The following TKT variants were observed in gnomAD, a reference collection of about 807,000 sequenced individuals.
The protein encoded by TKT is transketolase, also known as epididymis luminal protein 107.
TKT carries 47 observed loss-of-function variants against 63.9 expected under a neutral mutation model. The observed-to-expected ratio is 0.74, with a 90% CI of 0.58 to 0.94. The LOEUF is 0.94. Among genes scored for constraint, TKT ranks in the 40% least tolerant of loss-of-function variants. The probability of loss-of-function intolerance (pLI) is 0.00; values close to 1 mark genes in which losing one functional copy is unlikely to be tolerated. For synonymous variants in TKT, 338 were observed against 334.1 expected (o/e 1.01, Z -0.13); for missense variants, 721 against 846.2 (o/e 0.85, Z 1.84).
chr3:53,244,972 G>A (rs1264949537), intron 1 of TKT, among the ~76,000 whole-genome samples: 2 of 151,810 alleles, frequency 1.3e-5, no homozygotes, highest in East Asian at 1.9e-4. Flanking sequence ...TGACGGTGGT[G>A]TGGCAAGCTT....
intron 1 of TKT, among the ~76,000 whole-genome samples, chr3:53,246,629 G>A (rs1211405062): frequency 6.6e-6 from 1 of 152,108 alleles, no homozygotes; most frequent in Non-Finnish European, 1.5e-5. Context: ...GAGGAGGGCA[G>A]ATCACCTGAG....
chr3:53,236,049 G>A (rs1418850775), intron 4 of TKT, among the ~76,000 whole-genome samples: 3 of 124,630 alleles, frequency 2.4e-5, no homozygotes, highest in African/African-American at 8.2e-5. Context: ...TTCAAACGCA[G>A]GTCTGACTGT....
At chr3:53,243,585 T>C (rs1370743604) in intron 1 of TKT, 4 of 456,552 alleles carry the variant, frequency 8.8e-6, no homozygotes, top group Non-Finnish European at 1.8e-5. Flanking sequence ...TACTTAACTA[T>C]TTCTATGAAC....
intron 7 of TKT, 88 bp downstream of exon 7, chr3:53,231,269 T>G: frequency 4.7e-6 from 7 of 1,476,312 alleles, no homozygotes; most frequent in Non-Finnish European, 6.4e-6. Flanking sequence ...CTCTCCTCCC[T>G]TTCCCAGCCC....
intron 1 of TKT, chr3:53,243,507 G>C (rs996542396): frequency 1.8e-5 from 8 of 452,880 alleles, no homozygotes; most frequent in Non-Finnish European, 3.1e-5. Flanking sequence ...AGACAAGTTA[G>C]TAGTAGAGAA....
intron 6 of TKT, chr3:53,232,369 GA>G: frequency 2.5e-6 from 1 of 398,840 alleles, no homozygotes; most frequent in Non-Finnish European, 4.4e-6. Context: ...CCCCCACTCA[GA>G]ACATCCTCAT....
Position 53,225,776 on chromosome 3 carries a change from C to T in TKT, c.1852G>A (p.Gly618Ser). The T allele has an allele frequency of 6.2e-7, 1 of 1,613,474 alleles. No individual in the cohort carries two copies. The highest frequency in any genetic ancestry group is 2.2e-5 in the East Asian group (1 of 44,874). The stretch of plus-strand genomic sequence containing the variant: ...CCGCCCTAGGCCTTGGTGATGAGGC[C>T]CCTCACAGCTTGTGCAATGGCATCC... ...DRDAIAQAVR[G>S]LITKA The change falls in exon 14 of 14, where the codon GGC becomes AGC. Residue 618 changes from glycine (G) to serine (S), a missense_variant. Physicochemically the swap from Gly to Ser is moderately conservative, Grantham distance 56. Transcript: ENST00000462138.
chr3:53,228,873 C>T, intron 10 of TKT, 134 bp downstream of exon 10: 3 of 1,309,758 alleles, frequency 2.3e-6, no homozygotes, highest in Admixed American at 2.3e-5. Flanking sequence ...CTAACTTCCA[C>T]AAGCTACACG....
chr3:53,227,031 C>A (rs1309200313), intron 12 of TKT, 153 bp from the exon 13 acceptor site: 2 of 911,752 alleles, frequency 2.2e-6, no homozygotes, highest in Non-Finnish European at 3.2e-6. Context: ...CTTGCCACCT[C>A]GTTCCCATGG....
At chr3:53,248,259 C>A (rs1206903030) in intron 1 of TKT, among the ~76,000 whole-genome samples, 2 of 152,134 alleles carry the variant, frequency 1.3e-5, no homozygotes, top group African/African-American at 4.8e-5. Flanking sequence ...AGCAGCAGAG[C>A]TAGGATAAGA....
intron 1 of TKT, among the ~76,000 whole-genome samples, 172 bp downstream of exon 1, chr3:53,255,664 G>A (rs1015550709): frequency 2.6e-5 from 4 of 152,070 alleles, no homozygotes; most frequent in African/African-American, 9.6e-5. Context: ...AGCGGAAGCC[G>A]CCTGCAGCCC....
At position 53,228,105 on chromosome 3, in the gene TKT, A is replaced by T. The variant is rs1382742901; in HGVS notation, c.1524T>A (p.Ala508=). 6.2e-7 allele frequency: 1 copy of T among 1,613,718 alleles called. No homozygotes were observed. The highest frequency in any genetic ancestry group is 8.5e-7 in the Non-Finnish European group (1 of 1,179,994). ...CCAAGGCCTCGTGCAGGGTCACCCCAGCCCCGATAACGGTCACCTGGTCAT... is the reference window on the plus strand; with the variant it reads ...CCAAGGCCTCGTGCAGGGTCACCCCTGCCCCGATAACGGTCACCTGGTCAT... ...SKDDQVTVIG[A]GVTLHEALAA... The change falls in exon 12 of 14, where the codon GCT becomes GCA. Residue 508 remains alanine (A), a synonymous_variant. Transcript: ENST00000462138.
Position 53,230,533 on chromosome 3 carries a change from T to A in TKT, c.1031A>T (p.Asn344Ile). 6.2e-7 allele frequency: 1 copy of A among 1,614,168 alleles called. No individual in the cohort carries two copies. Residue 344 changes from asparagine to isoleucine, a missense_variant, in exon 8 of 14, where the codon AAT becomes ATT. Physicochemically the swap from Asn to Ile is moderately radical, Grantham distance 149. Coordinates refer to ENST00000462138, the MANE Select transcript of TKT (RefSeq NM_001064.4). ...TTTGAAGATCTCCGAGAAGGTGGAA[T>A]TTTTGGTGTCCCCATCCAGGGCGAT... ...RIIALDGDTK[N>I]STFSEIFKKE...
chr3:53,226,706 GCT>G, intron 13 of TKT, 48 bp downstream of exon 13: 1 of 1,612,768 alleles, frequency 6.2e-7, no homozygotes, highest in South Asian at 1.1e-5. Context: ...CCAACGCTCG[GCT>G]CTCTGGCCCT....
chr3:53,238,163 A>G (rs1314620064), intron 4 of TKT, among the ~76,000 whole-genome samples: 1 of 152,110 alleles, frequency 6.6e-6, no homozygotes, highest in Non-Finnish European at 1.5e-5. Flanking sequence ...GCTTCTGGGA[A>G]CCCAGCTAAA....
chr3:53,245,475 G>T (rs62255993), intron 1 of TKT, among the ~76,000 whole-genome samples: 1 of 151,954 alleles, frequency 6.6e-6, no homozygotes, highest in Non-Finnish European at 1.5e-5. Context: ...CCTCCAGATG[G>T]GCTCCTTCAA....
At chr3:53,228,223 G>T (rs1255810439) in intron 11 of TKT, 53 bp downstream of exon 11, 4 of 1,613,246 alleles carry the variant, frequency 2.5e-6, no homozygotes, top group African/African-American at 1.3e-5. Context: ...GGGAGTCACA[G>T]CAGGGAGGGT....
intron 6 of TKT, chr3:53,232,749 G>A (rs1482072937): frequency 1.2e-5 from 5 of 404,260 alleles, no homozygotes; most frequent in Non-Finnish European, 1.7e-5. Flanking sequence ...CTCCTGGAGG[G>A]AACAGTTCTC....
At chr3:53,238,971 T>C (rs1288803019) in intron 4 of TKT, among the ~76,000 whole-genome samples, 3 of 152,210 alleles carry the variant, frequency 2.0e-5, no homozygotes, top group African/African-American at 7.2e-5. Flanking sequence ...TCTTACCTTG[T>C]AGCTCCCGTA....
Sources: allele counts gnomAD v4.1 joint callset (sites outside exome capture counted in the v4.1 genomes callset), GRCh38; gene constraint gnomAD v4.1.1; transcripts MANE v1.5; gene names NCBI Gene and HGNC (gene_info 2026-07-23, HGNC 2026-07-21).